The following EPHA7 variants were observed in gnomAD, a reference collection of about 807,000 sequenced individuals.
EPHA7 encodes EPH receptor A7.
A neutral mutation model predicts 112.6 loss-of-function variants in EPHA7; 25 were observed. The ratio of observed to expected loss-of-function variants is 0.22; its 90% confidence interval spans 0.16 to 0.31. EPHA7 has a LOEUF of 0.31. EPHA7 is among the 10% of genes least tolerant of loss of function. The pLI, the probability that EPHA7 is intolerant of heterozygous loss-of-function variation, is 1.00. For missense variants in EPHA7, 962 were observed against 1,212.6 expected (o/e 0.79, Z 3.07); for synonymous variants, 437 against 406.5 (o/e 1.07, Z -0.90).
rs1769644206 is a variant in EPHA7 at position 93,240,484 on chromosome 6, T to C, written c.*2942A>G. ...TAAGTATACAATATGATTCAACTAATAGTGCTCTGACAAGCATAAACCACC... is the reference window on the plus strand; with the variant it reads ...TAAGTATACAATATGATTCAACTAACAGTGCTCTGACAAGCATAAACCACC... On this transcript the variant is annotated 3_prime_UTR_variant, in exon 17 of 17. Transcript: ENST00000369303. The C allele has an allele frequency of 4.6e-6, 1 of 218,802 alleles. No homozygotes were observed. The highest frequency in any genetic ancestry group is 5.8e-5 in the Admixed American group (1 of 17,268). The allele number at this position is 218,802 out of a possible 1,614,324, so 13.6% of individuals were successfully genotyped here. A position where few individuals can be genotyped will look rare whatever the true frequency, so the allele number is the denominator to read the frequency against.
At chr6:93,350,292 C>T (rs536057940) in intron 5 of EPHA7, among the ~76,000 whole-genome samples, 224 of 152,040 alleles carry the variant, frequency 1.5e-3, no homozygotes, top group Non-Finnish European at 2.6e-3. Context: ...GACCATTAAA[C>T]CAATCTGCAA....
chr6:93,295,288 C>T (rs1028154319), intron 5 of EPHA7, among the ~76,000 whole-genome samples: 1 of 151,926 alleles, frequency 6.6e-6, no homozygotes, highest in Non-Finnish European at 1.5e-5. Flanking sequence ...TTGGGATGAC[C>T]TTTAATATGC....
Position 93,312,992 on chromosome 6 carries a change from G to A in EPHA7, c.1325-40570C>T, listed in dbSNP as rs375390720. Among the ~76,000 whole-genome samples, 10 of 152,160 alleles carry A rather than the reference G, an allele frequency of 6.6e-5. 1 individual carries two copies. Among genetic ancestry groups the A allele is most frequent in the African/African-American group, 1.9e-4 (8 of 41,506 alleles). On this transcript the variant is annotated intron_variant, in intron 5 of 16. Transcript: ENST00000369303. ...TAGTCTTCTACAGGCATGGCTTATG[G>A]TGCTCCCAGACAATTACAGTAGTAA... is the stretch of plus-strand genomic sequence containing the variant.
rs1452664406 is a variant in EPHA7, at chr6:93,356,885, T to C, written c.1156A>G (p.Ile386Val). 2.5e-6 allele frequency: 4 copies of C among 1,614,146 alleles called. No homozygotes were observed. Among genetic ancestry groups the C allele is most frequent in the Admixed American group, 1.7e-5 (1 of 60,006 alleles). The change falls in exon 5 of 17, where the codon ATT (isoleucine) becomes GTT (valine). Residue 386 changes from isoleucine (I) to valine (V), a missense_variant. Transcript: ENST00000369303. ...QGECVPCGSN[I>V]GYMPQQTGLE... ...CCAGTCTGCTGGGGCATGTATCCAATGTTACTCCCACAGGGAACACATTCG... is the reference window on the plus strand; with the variant it reads ...CCAGTCTGCTGGGGCATGTATCCAACGTTACTCCCACAGGGAACACATTCG...
At chr6:93,268,516 T>TTTGA (rs1771057332) in intron 7 of EPHA7, among the ~76,000 whole-genome samples, 1 of 151,752 alleles carries the variant, frequency 6.6e-6, no homozygotes, top group African/African-American at 2.4e-5. Flanking sequence ...CCAACTTAAT[T>TTTGA]TTGATTAGAA....
intron 1 of EPHA7, among the ~76,000 whole-genome samples, chr6:93,417,096 G>C (rs1384853970): frequency 6.6e-6 from 1 of 152,288 alleles, no homozygotes; most frequent in South Asian, 2.1e-4. Flanking sequence ...TTTACGGAGA[G>C]AAAAAGTAAG....
chr6:93,411,319 C>T, intron 2 of EPHA7, 149 bp from the exon 3 acceptor site: 1 of 648,740 alleles, frequency 1.5e-6, no homozygotes, highest in East Asian at 2.7e-5. Context: ...TGTAAGATTC[C>T]AGGTTCTGCT....
intron 5 of EPHA7, among the ~76,000 whole-genome samples, chr6:93,310,734 A>G (rs1326619301): frequency 6.6e-6 from 1 of 152,114 alleles, no homozygotes; most frequent in Non-Finnish European, 1.5e-5. Flanking sequence ...CATTATATCT[A>G]AAATCTTCAT....
At chr6:93,327,635 C>T (rs1774387299) in intron 5 of EPHA7, among the ~76,000 whole-genome samples, 1 of 151,422 alleles carries the variant, frequency 6.6e-6, no homozygotes, top group African/African-American at 2.4e-5. Flanking sequence ...ATACTCAAGG[C>T]TTCCCTTGGC....
intron 16 of EPHA7, 142 bp downstream of exon 16, chr6:93,245,156 A>ATT: frequency 1.4e-6 from 1 of 718,452 alleles, no homozygotes; most frequent in Non-Finnish European, 2.2e-6. Context: ...CCTGGTACGC[A>ATT]GTAAGAACTT....
chr6:93,362,817 C>T (rs535775161), intron 3 of EPHA7, among the ~76,000 whole-genome samples: 2 of 152,186 alleles, frequency 1.3e-5, no homozygotes, highest in East Asian at 3.9e-4. Flanking sequence ...AATGAGGGCA[C>T]AGATACCCAT....
intron 5 of EPHA7, among the ~76,000 whole-genome samples, chr6:93,333,066 T>C (rs1212028699): frequency 6.6e-6 from 1 of 151,750 alleles, no homozygotes; most frequent in Admixed American, 6.6e-5. Flanking sequence ...CCCTGATATC[T>C]GTCATTCCCT....
chr6:93,359,463 G>C (rs886906267), intron 3 of EPHA7, among the ~76,000 whole-genome samples: 2 of 151,480 alleles, frequency 1.3e-5, no homozygotes, highest in Admixed American at 1.3e-4. Flanking sequence ...TTAGCTAAAA[G>C]AAAATCATAT....
At position 93,256,666 on chromosome 6, in the gene EPHA7, A is replaced by G. The variant is rs530637037; in HGVS notation, c.2173-629T>C. ...CAACCAGACTGGCCACTTCCAACCCATTTTAACCAAAAAATTACTCCAGCT... is the reference window on the plus strand; with the variant it reads ...CAACCAGACTGGCCACTTCCAACCCGTTTTAACCAAAAAATTACTCCAGCT... On this transcript the variant is annotated intron_variant, in intron 12 of 16. Coordinates refer to ENST00000369303, the MANE Select transcript of EPHA7 (RefSeq NM_004440.4). 1.1e-3 allele frequency among the ~76,000 whole-genome samples: 160 copies of G among 152,196 alleles called. 3 individuals carry two copies. In the Middle Eastern group the frequency reaches 0.017, roughly 16 times the overall value.
At chr6:93,276,683 G>T (rs756359271) in intron 5 of EPHA7, among the ~76,000 whole-genome samples, 4 of 152,030 alleles carry the variant, frequency 2.6e-5, no homozygotes, top group East Asian at 1.9e-4. Context: ...ATGAAAACAG[G>T]CTAGTGATTG....
chr6:93,397,543 C>T (rs2127986651), intron 3 of EPHA7, among the ~76,000 whole-genome samples: 1 of 151,942 alleles, frequency 6.6e-6, no homozygotes, highest in Middle Eastern at 3.4e-3. Context: ...AGATTTATCA[C>T]CCCCAAAGAT....
At chr6:93,381,535 A>G (rs1332881526) in intron 3 of EPHA7, among the ~76,000 whole-genome samples, 1 of 152,166 alleles carries the variant, frequency 6.6e-6, no homozygotes, top group Admixed American at 6.6e-5. Context: ...TTGGCATCAT[A>G]ATTAACACAT....
intron 1 of EPHA7, among the ~76,000 whole-genome samples, chr6:93,416,453 C>T (rs1779230998): frequency 6.6e-6 from 1 of 152,102 alleles, no homozygotes; most frequent in South Asian, 2.1e-4. Context: ...ATTCTGCTAC[C>T]CCTCAGCTCA....
Position 93,356,723 on chromosome 6 carries a change from G to T in EPHA7, c.1318C>A (p.Gln440Lys). ...AGATAAACACAAAACATACCTGCTTGACCAGTGGTGATACTGACAGCAGCA... is the reference window on the plus strand; with the variant it reads ...AGATAAACACAAAACATACCTGCTTTACCAGTGGTGATACTGACAGCAGCA... ...LFAAVSITTG[Q>K]AAPSQVSGVM... The change falls in exon 5 of 17, where the codon CAA becomes AAA. Residue 440 changes from glutamine to lysine, a missense_variant. This residue lies in a region of EPHA7 where 746 missense variants were observed against 889.2 expected (regional missense o/e 0.84). Coordinates refer to ENST00000369303, the MANE Select transcript of EPHA7 (RefSeq NM_004440.4). 1 of 1,609,222 alleles carries T rather than the reference G, an allele frequency of 6.2e-7. No homozygotes were observed. Among genetic ancestry groups the T allele is most frequent in the South Asian group, 1.1e-5 (1 of 90,164 alleles).
Sources: allele counts gnomAD v4.1 joint callset (sites outside exome capture counted in the v4.1 genomes callset), GRCh38; gene constraint gnomAD v4.1.1; regional missense constraint gnomAD v4.1.1; transcripts MANE v1.5; gene names NCBI Gene and HGNC (gene_info 2026-07-23, HGNC 2026-07-21).